LDB3: variants seen among roughly 807,000 people sequenced by gnomAD.
LDB3 encodes LIM domain binding 3.
In LDB3, 49 loss-of-function variants were observed where a neutral mutation model predicts 69.0. That is an observed-to-expected ratio of 0.71 (90% CI 0.56 to 0.90). The LOEUF (loss-of-function observed/expected upper bound fraction) is 0.90, where lower values mean the gene tolerates loss of function less well. Ranked by LOEUF, LDB3 falls within the 40% of genes least tolerant of loss-of-function variation. The probability of loss-of-function intolerance (pLI) is 0.00; values close to 1 mark genes in which losing one functional copy is unlikely to be tolerated. For missense variants in LDB3, 928 were observed against 974.1 expected, an observed-to-expected ratio of 0.95 and a Z score of 0.63; for synonymous variants, 387 against 396.2, an observed-to-expected ratio of 0.98 and a Z score of 0.28.
chr10:86,717,567 C>T (rs1351565626), intron 10 of LDB3, among the ~76,000 whole-genome samples: 2 of 152,122 alleles, frequency 1.3e-5, no homozygotes, highest in Non-Finnish European at 2.9e-5. Context: ...GTACCTAGTG[C>T]GTAGGATTGT....
intron 5 of LDB3, among the ~76,000 whole-genome samples, chr10:86,689,601 A>G (rs1054535523): frequency 6.6e-6 from 1 of 152,174 alleles, no homozygotes; most frequent in African/African-American, 2.4e-5. Context: ...TCCTATCTGC[A>G]CTGGAACAGT....
rs367942602 is a variant in LDB3 at position 86,718,147 on chromosome 10, A to G, written c.1857+3A>G. On this transcript the variant is annotated splice_donor_region_variant and intron_variant, in intron 11 of 13. Coordinates refer to ENST00000361373, the MANE Select transcript of LDB3 (RefSeq NM_007078.3). ...AGTGCAACACCAAAATTATGGGGGT[A>G]AGTGGGAGGCCTCCATTTCCTCTGA... The G allele has an allele frequency of 6.2e-7, 1 of 1,613,494 alleles. No individual in the cohort carries two copies. The highest frequency in any genetic ancestry group is 8.5e-7 in the Non-Finnish European group (1 of 1,179,554).
chr10:86,701,208 A>G (rs561102751), intron 7 of LDB3, among the ~76,000 whole-genome samples: 2 of 152,090 alleles, frequency 1.3e-5, no homozygotes, highest in Admixed American at 6.5e-5. Flanking sequence ...GAACACACTC[A>G]TATTTGGCTG....
At chr10:86,715,499 T>C (rs2132479529) in intron 9 of LDB3, among the ~76,000 whole-genome samples, 1 of 152,260 alleles carries the variant, frequency 6.6e-6, no homozygotes, top group African/African-American at 2.4e-5. Flanking sequence ...CTCAGGGAGC[T>C]GGAGGAGGGG....
At chr10:86,710,271 T>C in intron 9 of LDB3, 1 of 985,128 alleles carries the variant, frequency 1.0e-6, no homozygotes, top group Non-Finnish European at 1.2e-6. Flanking sequence ...TGGATGATTC[T>C]AAGGGAGAGC....
At chr10:86,684,177 T>A (rs1033134640) in intron 5 of LDB3, among the ~76,000 whole-genome samples, 1 of 152,240 alleles carries the variant, frequency 6.6e-6, no homozygotes, top group African/African-American at 2.4e-5. Flanking sequence ...TCCTCCCTTC[T>A]GAGGCTGGCA....
chr10:86,691,074 C>A (rs1354598435), intron 5 of LDB3, among the ~76,000 whole-genome samples: 2 of 152,202 alleles, frequency 1.3e-5, no homozygotes, highest in Non-Finnish European at 2.9e-5. Flanking sequence ...TTGACCATGG[C>A]CTGCACTGCA....
At position 86,716,432 on chromosome 10, in the gene LDB3, C is replaced by G; in HGVS notation, c.1337C>G (p.Thr446Ser). The G allele has an allele frequency of 6.4e-7, 1 of 1,564,772 alleles. No individual in the cohort carries two copies. The highest frequency in any genetic ancestry group is 8.7e-7 in the Non-Finnish European group (1 of 1,153,112). The change falls in exon 10 of 14, where the codon ACC becomes AGC. Residue 446 changes from threonine (T) to serine (S), a missense_variant. Transcript: ENST00000361373. ...AYTPSPAPAY[T>S]PSPVPTYTPS... Reference sequence around the variant, plus strand: ...ACCCCCTCCCCTGCCCCTGCCTACACCCCCTCACCTGTCCCCACCTACACT... The same window carrying G: ...ACCCCCTCCCCTGCCCCTGCCTACAGCCCCTCACCTGTCCCCACCTACACT...
At chr10:86,701,063 T>A (rs1160780646) in intron 7 of LDB3, among the ~76,000 whole-genome samples, 1 of 152,144 alleles carries the variant, frequency 6.6e-6, no homozygotes, top group Non-Finnish European at 1.5e-5. Flanking sequence ...GGCCGCTCTC[T>A]CCTGCCCATC....
At chr10:86,697,383 G>A (rs1278047655) in intron 7 of LDB3, among the ~76,000 whole-genome samples, 56 of 151,152 alleles carry the variant, frequency 3.7e-4, no homozygotes, top group Admixed American at 1.9e-3. Context: ...CACCACGCCC[G>A]GCTAATTTTG....
In LDB3 at chr10:86,734,810, G is replaced by A. The variant is rs1847572300; in HGVS notation, c.*1834G>A. On this transcript the variant is annotated 3_prime_UTR_variant, in exon 14 of 14. Transcript: ENST00000361373. ...AGGTGAATACAAAGCAGCAGGCAGAGTAAAATCTGCTGGGACTGCCTGGAG... is the reference window on the plus strand; with the variant it reads ...AGGTGAATACAAAGCAGCAGGCAGAATAAAATCTGCTGGGACTGCCTGGAG... The A allele has an allele frequency of 6.6e-6, 1 of 152,188 alleles. No homozygotes were observed. Among genetic ancestry groups the A allele is most frequent in the Admixed American group, 6.6e-5 (1 of 15,266 alleles). The allele number at this position is 152,188 out of a possible 1,614,324, so 9.4% of individuals were successfully genotyped here.
chr10:86,722,264 T>C (rs1269712107), intron 12 of LDB3, among the ~76,000 whole-genome samples: 1 of 152,196 alleles, frequency 6.6e-6, no homozygotes, highest in East Asian at 1.9e-4. Context: ...CTTTGTTTTG[T>C]TTTGTTTTGT....
At chr10:86,728,586 G>GTTTTTTTTTTTTGTTTT (rs1554868911) in intron 13 of LDB3, among the ~76,000 whole-genome samples, 2 of 131,456 alleles carry the variant, frequency 1.5e-5, no homozygotes, top group South Asian at 2.5e-4. Flanking sequence ...TGGTTCTTTT[G>GTTTTTTTTTTTTGTTTT]TTTTTTTTTT....
chr10:86,689,745 C>A (rs748809977), intron 5 of LDB3, among the ~76,000 whole-genome samples: 1 of 152,154 alleles, frequency 6.6e-6, no homozygotes, highest in Non-Finnish European at 1.5e-5. Context: ...CCATGACCAC[C>A]CATGGGAGGG....
At chr10:86,683,235 T>C (rs950879535) in intron 5 of LDB3, among the ~76,000 whole-genome samples, 16 of 152,228 alleles carry the variant, frequency 1.1e-4, no homozygotes, top group African/African-American at 3.4e-4. Flanking sequence ...CTCCCCATAC[T>C]GACCATGCAC....
At chr10:86,675,979 ATGT>A (rs1181555763) in intron 2 of LDB3, among the ~76,000 whole-genome samples, 4 of 152,074 alleles carry the variant, frequency 2.6e-5, no homozygotes, top group Non-Finnish European at 4.4e-5. Flanking sequence ...TCCTTCACTG[ATGT>A]TGGTTTTTAC....
At chr10:86,693,886 T>C (rs1564644646) in intron 7 of LDB3, among the ~76,000 whole-genome samples, 1 of 152,170 alleles carries the variant, frequency 6.6e-6, no homozygotes, top group Non-Finnish European at 1.5e-5. Flanking sequence ...AAACATTTGA[T>C]AAAAAAGTCT....
rs111677651 is a variant in LDB3, at chr10:86,676,119, C to T, written c.94-3248C>T. On this transcript the variant is annotated intron_variant, in intron 2 of 13. Transcript: ENST00000361373. The stretch of plus-strand genomic sequence containing the variant: ...CTCAAGTAGCTCTAAGATGCCCCTG[C>T]GGGGCCTGGAGGGCAAGCTGGACTT... Among the ~76,000 whole-genome samples, 21 of 152,360 alleles carry T rather than the reference C, an allele frequency of 1.4e-4. 2 individuals carry two copies. The highest frequency in any genetic ancestry group is 2.6e-4 in the African/African-American group (11 of 41,592).
At chr10:86,709,653 G>A (rs1846565172) in intron 8 of LDB3, among the ~76,000 whole-genome samples, 1 of 152,164 alleles carries the variant, frequency 6.6e-6, no homozygotes, top group African/African-American at 2.4e-5. Flanking sequence ...GAGAGTGAAG[G>A]GTCTTCCCGG....
Sources: allele counts gnomAD v4.1 joint callset (sites outside exome capture counted in the v4.1 genomes callset), GRCh38; gene constraint gnomAD v4.1.1; transcripts MANE v1.5; gene names NCBI Gene and HGNC (gene_info 2026-07-23, HGNC 2026-07-21).